SGCZ: variants seen among roughly 807,000 people sequenced by gnomAD.
The protein encoded by SGCZ is sarcoglycan zeta, also known as zeta-sarcoglycan.
SGCZ carries 40 observed loss-of-function variants against 41.3 expected under a neutral mutation model. The ratio of observed to expected loss-of-function variants is 0.97; its 90% CI spans 0.75 to 1.26. The LOEUF (loss-of-function observed/expected upper bound fraction) is 1.26. SGCZ is among the 50% of genes most tolerant of loss of function. The probability of loss-of-function intolerance (pLI) is 0.00; values close to 1 mark genes in which losing one functional copy is unlikely to be tolerated. For synonymous variants in SGCZ, 206 were observed against 137.5 expected, an observed-to-expected ratio of 1.50 and a Z score of -3.49; for missense variants, 552 against 369.8, an observed-to-expected ratio of 1.49 and a Z score of -4.04.
chr8:14,346,130 G>C (rs1006966250), intron 2 of SGCZ, among the ~76,000 whole-genome samples: 4 of 151,874 alleles, frequency 2.6e-5, no homozygotes, highest in Non-Finnish European at 5.9e-5. Flanking sequence ...TATCAGTATT[G>C]ACTCATCAGT....
At chr8:14,778,095 T>C (rs1300373123) in intron 1 of SGCZ, among the ~76,000 whole-genome samples, 3 of 151,800 alleles carry the variant, frequency 2.0e-5, no homozygotes, top group Non-Finnish European at 4.4e-5. Context: ...GGCTAATAAT[T>C]TTTTTTTGTT....
intron 5 of SGCZ, among the ~76,000 whole-genome samples, chr8:14,121,408 A>C (rs1343398021): frequency 6.6e-6 from 1 of 152,160 alleles, no homozygotes; most frequent in African/African-American, 2.4e-5. Context: ...GAAACTTATA[A>C]AAACAATATT....
At chr8:14,563,719 G>C (rs910205265) in intron 1 of SGCZ, among the ~76,000 whole-genome samples, 2 of 152,076 alleles carry the variant, frequency 1.3e-5, no homozygotes, top group Non-Finnish European at 2.9e-5. Flanking sequence ...AAGACAAAAA[G>C]AACTCTCGAG....
intron 1 of SGCZ, among the ~76,000 whole-genome samples, chr8:14,726,841 C>T (rs1173080985): frequency 6.6e-6 from 1 of 150,834 alleles, no homozygotes; most frequent in Non-Finnish European, 1.5e-5. Context: ...CTGTCTGTCA[C>T]CTGATGAAAA....
intron 1 of SGCZ, among the ~76,000 whole-genome samples, chr8:14,572,315 A>T (rs1242721619): frequency 6.6e-6 from 1 of 152,142 alleles, no homozygotes; most frequent in Non-Finnish European, 1.5e-5. Flanking sequence ...ATTTTCTGTA[A>T]CAAAATGAAA....
chr8:14,504,544 A>T (rs943867861), intron 2 of SGCZ, among the ~76,000 whole-genome samples: 2 of 152,120 alleles, frequency 1.3e-5, no homozygotes, highest in East Asian at 3.9e-4. Context: ...CTGTTGTCAC[A>T]TTGGCATGCC....
chr8:15,226,242 C>A (rs1225003357), intron 1 of SGCZ, among the ~76,000 whole-genome samples: 2 of 152,124 alleles, frequency 1.3e-5, no homozygotes, highest in Non-Finnish European at 2.9e-5. Flanking sequence ...CTTTGGGCCA[C>A]CTCACAGGGA....
intron 1 of SGCZ, among the ~76,000 whole-genome samples, chr8:15,074,407 G>T (rs554924639): frequency 6.6e-6 from 1 of 152,180 alleles, no homozygotes; most frequent in East Asian, 1.9e-4. Context: ...CTTTAAAACA[G>T]ACTTTTACAA....
chr8:14,888,682 T>G (rs1055988067), intron 1 of SGCZ, among the ~76,000 whole-genome samples: 2 of 152,174 alleles, frequency 1.3e-5, no homozygotes, highest in Admixed American at 1.3e-4. Flanking sequence ...GTCTCATTGT[T>G]TATATGAAGC....
At chr8:14,664,377 T>C (rs1807842253) in intron 1 of SGCZ, among the ~76,000 whole-genome samples, 1 of 152,190 alleles carries the variant, frequency 6.6e-6, no homozygotes, top group African/African-American at 2.4e-5. Flanking sequence ...CGAGGGACCA[T>C]ATTTTACTCA....
At chr8:14,879,595 GACACACACACACACACACACAC>G (rs33933535) in intron 1 of SGCZ, among the ~76,000 whole-genome samples, 1 of 147,116 alleles carries the variant, frequency 6.8e-6, no homozygotes, top group East Asian at 2.1e-4. Flanking sequence ...CAGACACACA[GACACACACACACACACACACAC>G]ACACACTATT....
intron 6 of SGCZ, among the ~76,000 whole-genome samples, chr8:14,106,610 C>A (rs1283686190): frequency 6.6e-6 from 1 of 152,100 alleles, no homozygotes; most frequent in African/African-American, 2.4e-5. Context: ...AGATTTTCAA[C>A]TTTATTTATT....
intron 2 of SGCZ, among the ~76,000 whole-genome samples, chr8:14,532,213 T>C (rs775351527): frequency 1.3e-5 from 2 of 151,582 alleles, no homozygotes; most frequent in South Asian, 4.2e-4. Context: ...ATCCAGATGA[T>C]AGAGAAGAAA....
intron 1 of SGCZ, among the ~76,000 whole-genome samples, chr8:14,687,061 T>C (rs1563202758): frequency 6.6e-6 from 1 of 151,452 alleles, no homozygotes; most frequent in Non-Finnish European, 1.5e-5. Flanking sequence ...CCCAAAATGG[T>C]ATTTTGAAGA....
intron 1 of SGCZ, among the ~76,000 whole-genome samples, chr8:14,880,622 C>A (rs1313967368): frequency 6.6e-6 from 1 of 152,076 alleles, no homozygotes; most frequent in Non-Finnish European, 1.5e-5. Context: ...ACTATGCAGC[C>A]ATGAAAAACG....
In SGCZ at chr8:14,998,765, G is replaced by C. The variant is rs530893306; in HGVS notation, c.39+238820C>G. 7.1e-4 allele frequency among the ~76,000 whole-genome samples: 108 copies of C among 152,276 alleles called. 1 individual carries two copies. The highest frequency in any genetic ancestry group is 3.4e-3 in the Middle Eastern group (1 of 294). ...AGGGATCTAGATGTAGCAATGTGTT[G>C]AGTGGTTTTCTGCTGAAACTCAACT... On this transcript the variant is annotated intron_variant, in intron 1 of 7. Transcript: ENST00000382080.
intron 1 of SGCZ, among the ~76,000 whole-genome samples, chr8:15,088,292 A>G (rs1184640884): frequency 6.6e-6 from 1 of 152,180 alleles, no homozygotes; most frequent in African/African-American, 2.4e-5. Context: ...ACATAAGAAT[A>G]TGTCCTTTAA....
intron 1 of SGCZ, among the ~76,000 whole-genome samples, chr8:14,784,012 T>G (rs1800671776): frequency 6.6e-6 from 1 of 152,070 alleles, no homozygotes; most frequent in South Asian, 2.1e-4. Context: ...ACCCTTTAAA[T>G]AATTCTAACC....
At chr8:14,968,310 C>A (rs1236948800) in intron 1 of SGCZ, among the ~76,000 whole-genome samples, 1 of 152,020 alleles carries the variant, frequency 6.6e-6, no homozygotes, top group Admixed American at 6.6e-5. Flanking sequence ...CTTGAACAGA[C>A]CCTCTGGGAA....
Sources: allele counts gnomAD v4.1 joint callset (sites outside exome capture counted in the v4.1 genomes callset), GRCh38; gene constraint gnomAD v4.1.1; transcripts MANE v1.5; gene names NCBI Gene and HGNC (gene_info 2026-07-23, HGNC 2026-07-21).